Variants in CASTOR1 observed in about 807,000 individuals in gnomAD.
CASTOR1 encodes the protein cytosolic arginine sensor for mTORC1 subunit 1.
Under a neutral mutation model 33.7 loss-of-function variants are expected in CASTOR1, and 18 were observed. That is an observed-to-expected ratio of 0.53 (90% CI 0.37 to 0.79). The LOEUF is 0.79. CASTOR1 is among the 30% of genes least tolerant of loss of function. The pLI is 0.00. For missense variants in CASTOR1, 362 were observed against 446.3 expected, an observed-to-expected ratio of 0.81 and a Z score of 1.70; for synonymous variants, 175 against 190.6, an observed-to-expected ratio of 0.92 and a Z score of 0.67.
At position 30,286,841 on chromosome 22, in the gene CASTOR1, G is replaced by C; in HGVS notation, c.613C>G (p.Leu205Val). Residue 205 changes from leucine (L) to valine (V), a missense_variant, in exon 5 of 9, where the codon CTC becomes GTC. Leu to Val is a conservative substitution (Grantham distance 32). Coordinates refer to ENST00000407689, the MANE Select transcript of CASTOR1 (RefSeq NM_001037666.3). ...AAGGTCCACCTGTGCGAGTAGAAGAGGACATCTATGAGGGTGGTGGCGATG... is the reference window on the plus strand; with the variant it reads ...AAGGTCCACCTGTGCGAGTAGAAGACGACATCTATGAGGGTGGTGGCGATG... ...PAIATTLIDV[L>V]FYSHSTPKEA... 6.2e-7 allele frequency: 1 copy of C among 1,614,224 alleles called. No homozygotes were observed. The highest frequency in any genetic ancestry group is 8.5e-7 in the Non-Finnish European group (1 of 1,180,034).
At position 30,287,556 on chromosome 22, in the gene CASTOR1, C is replaced by A; in HGVS notation, c.189G>T (p.Leu63=). ...LMVDEEGFKE[L]PPSEFLQVAE... ...CTACTTGCAGGAACTCAGATGGGGG[C>A]AGCTCTGTGGGCAGGGGACATGTCA... Residue 63 remains leucine (L), a synonymous_variant, in exon 3 of 9, where the codon CTG becomes CTT. Transcript: ENST00000407689. 6.2e-7 allele frequency: 1 copy of A among 1,610,456 alleles called. No homozygotes were observed. Among genetic ancestry groups the A allele is most frequent in the Non-Finnish European group, 8.5e-7 (1 of 1,178,790 alleles).
chr22:30,286,690 A>G, intron 5 of CASTOR1, 135 bp downstream of exon 5: 4 of 1,127,572 alleles, frequency 3.5e-6, no homozygotes, highest in East Asian at 2.5e-5. Context: ...GTGAAGCACA[A>G]GTGAGCATCA....
In CASTOR1 at chr22:30,286,808, G is replaced by A. The variant is rs746829083; in HGVS notation, c.629+17C>T. 10 of 1,613,820 alleles carry A rather than the reference G, an allele frequency of 6.2e-6. No individual in the cohort carries two copies. The highest frequency in any genetic ancestry group is 1.6e-4 in the Middle Eastern group (1 of 6,084). ...GGAACAGTGCTGTGAGGACAAAGAC[G>A]AAGTTCCAAGGTCCACCTGTGCGAG... On this transcript the variant is annotated intron_variant, in intron 5 of 8. Transcript: ENST00000407689.
intron 5 of CASTOR1, 171 bp from the exon 6 acceptor site, chr22:30,286,547 G>A (rs748605286): frequency 3.0e-6 from 2 of 659,390 alleles, no homozygotes; most frequent in African/African-American, 1.8e-5. Flanking sequence ...GGGTGGGGAT[G>A]GGGGAGGACA....
rs769847466 is a variant in CASTOR1, at chr22:30,285,841, G to A, written c.912C>T (p.Asp304=). Residue 304 remains aspartate (D), a synonymous_variant, in exon 8 of 9, where the codon GAC becomes GAT. Transcript: ENST00000407689. ...AGCCCTTGGTGCTCACCAGGGCGTG[G>A]TCGAAGTTGAAGGTGCTGATGTAGT... ...SAYYISTFNF[D]HALVPEDGIG... 1.3e-5 allele frequency: 21 copies of A among 1,609,320 alleles called. No individual in the cohort carries two copies. The highest frequency in any genetic ancestry group is 1.7e-5 in the Non-Finnish European group (20 of 1,178,064).
chr22:30,285,287 A>C lies in CASTOR1; in HGVS notation c.*333T>G. The C allele has an allele frequency of 9.2e-6, 2 of 216,402 alleles. No individual in the cohort carries two copies. Among genetic ancestry groups the C allele is most frequent in the Non-Finnish European group, 9.1e-6 (1 of 109,798 alleles). 13.4% of individuals were successfully genotyped at this position (216,402 alleles called of 1,614,324 possible). On this transcript the variant is annotated 3_prime_UTR_variant, in exon 9 of 9. Coordinates refer to ENST00000407689, the MANE Select transcript of CASTOR1 (RefSeq NM_001037666.3). ...GGTCAGCGGGGCAGCTGGCCCAGGA[A>C]GCCTTTGGGGAATGGCTCAGGCCTC... is the stretch of plus-strand genomic sequence containing the variant.
At chr22:30,288,943 G>C (rs541599649) in intron 1 of CASTOR1, 167 bp from the exon 2 acceptor site, 26 of 584,624 alleles carry the variant, frequency 4.4e-5, no homozygotes, top group African/African-American at 3.0e-4. Flanking sequence ...CATCTCGGGG[G>C]TTGGGGGCTA....
chr22:30,286,129 AC>A, intron 6 of CASTOR1, 31 bp from the exon 7 acceptor site: 1 of 1,480,212 alleles, frequency 6.8e-7, no homozygotes, highest in Non-Finnish European at 9.2e-7. Context: ...TGGGCAGGGC[AC>A]CCCCATCCAC....
At chr22:30,286,226 G>A in intron 6 of CASTOR1, 37 bp downstream of exon 6, 2 of 1,527,482 alleles carry the variant, frequency 1.3e-6, no homozygotes, top group Non-Finnish European at 1.8e-6. Context: ...GGGACTGGCT[G>A]GGGCCTGGGG....
chr22:30,288,010 A>G, intron 2 of CASTOR1: 1 of 400,044 alleles, frequency 2.5e-6, no homozygotes, highest in South Asian at 1.9e-5. Context: ...AGACTTCTGA[A>G]GTAAAAACAG....
At chr22:30,286,441 C>T in intron 5 of CASTOR1, 65 bp from the exon 6 acceptor site, 1 of 1,122,052 alleles carries the variant, frequency 8.9e-7, no homozygotes, top group Non-Finnish European at 1.3e-6. Context: ...TGCTCCCGAT[C>T]AGCCTCCAGA....
In CASTOR1 at chr22:30,286,936, G is replaced by T; in HGVS notation, c.518C>A (p.Thr173Lys). 6.2e-7 allele frequency: 1 copy of T among 1,612,982 alleles called. No individual in the cohort carries two copies. Among genetic ancestry groups the T allele is most frequent in the Non-Finnish European group, 8.5e-7 (1 of 1,179,166 alleles). Residue 173 changes from threonine (T) to lysine (K), a missense_variant, in exon 5 of 9, where the codon ACG (threonine) becomes AAG (lysine). By Grantham distance (78) the Thr-to-Lys change is moderately conservative. Transcript: ENST00000407689. ...FPRTQHGPSP[T>K]VHPIQSPQNR... ...CTGTGGGCTCTGGATGGGATGCACC[G>T]TGGGGCTGGGCCCTGCTGGAGGACA...
chr22:30,289,033 A>C (rs1929863523), intron 1 of CASTOR1: 1 of 552,830 alleles, frequency 1.8e-6, no homozygotes, highest in Non-Finnish European at 3.2e-6. Flanking sequence ...CCGCGGCGAC[A>C]GCCCCAGGGG....
In CASTOR1 at chr22:30,286,262, C is replaced by T. The variant is rs1249713378; in HGVS notation, c.743+1G>A. ...CCCACCCGGGGTCAGGGGTCACCTA[C>T]TTTTTCTGTGTTTCAGCATCCATGA... On this transcript the variant is annotated splice_donor_variant, in intron 6 of 8. Transcript: ENST00000407689. LOFTEE classifies it high-confidence loss of function. 1.9e-6 allele frequency: 3 copies of T among 1,610,706 alleles called. No individual in the cohort carries two copies. Among genetic ancestry groups the T allele is most frequent in the Admixed American group, 1.7e-5 (1 of 59,986 alleles).
chr22:30,289,217 T>G (rs895244842), intron 1 of CASTOR1, 168 bp downstream of exon 1: 1 of 605,500 alleles, frequency 1.7e-6, no homozygotes, highest in Non-Finnish European at 2.9e-6. Context: ...CGGGGCCGGA[T>G]AGGCGGCGGT....
In CASTOR1 at chr22:30,286,892, T is replaced by G; in HGVS notation, c.562A>C (p.Thr188Pro). The change falls in exon 5 of 9, where the codon ACA (threonine) becomes CCA (proline). Residue 188 changes from threonine (T) to proline (P), a missense_variant. Transcript: ENST00000407689. ...QSPQNRFCVL[T>P]LDPETLPAIA... ...GCTGGAAGCGTCTCAGGGTCCAGTG[T>G]GAGGACACAGAAGCGGTTCTGTGGG... The G allele has an allele frequency of 6.2e-7, 1 of 1,614,108 alleles. No homozygotes were observed. Among genetic ancestry groups the G allele is most frequent in the Non-Finnish European group, 8.5e-7 (1 of 1,179,980 alleles).
intron 2 of CASTOR1, among the ~76,000 whole-genome samples, chr22:30,288,171 C>G (rs2056725271): frequency 6.6e-6 from 1 of 152,252 alleles, no homozygotes; most frequent in African/African-American, 2.4e-5. Context: ...GGCTGGCGTC[C>G]AGTCCTGAGC....
At chr22:30,286,419 G>A in intron 5 of CASTOR1, 43 bp from the exon 6 acceptor site, 3 of 1,321,152 alleles carry the variant, frequency 2.3e-6, no homozygotes, top group East Asian at 2.3e-5. Context: ...CAGGCACCCA[G>A]CCTACTGCCC....
At position 30,286,935 on chromosome 22, in the gene CASTOR1, C is replaced by G. The variant is rs772227429; in HGVS notation, c.519G>C (p.Thr173=). The G allele has an allele frequency of 8.1e-6, 13 of 1,612,812 alleles. No individual in the cohort carries two copies. The highest frequency in any genetic ancestry group is 1.1e-5 in the Non-Finnish European group (13 of 1,179,204). The change falls in exon 5 of 9, where the codon ACG becomes ACC. Residue 173 remains threonine (T), a synonymous_variant. Coordinates refer to ENST00000407689, the MANE Select transcript of CASTOR1 (RefSeq NM_001037666.3). ...FPRTQHGPSP[T]VHPIQSPQNR... is the part of the protein sequence containing the mutation. ...TCTGTGGGCTCTGGATGGGATGCAC[C>G]GTGGGGCTGGGCCCTGCTGGAGGAC... is the stretch of plus-strand genomic sequence containing the variant.
Sources: gnomAD v4.1 joint callset for allele counts (sites outside exome capture counted in the v4.1 genomes callset) on GRCh38, gnomAD v4.1.1 for gene constraint, MANE v1.5 for transcripts, NCBI Gene and HGNC (gene_info 2026-07-23, HGNC 2026-07-21) for gene names.